The following CLUAP1 variants were observed in gnomAD, a reference collection of about 807,000 sequenced individuals.
CLUAP1 encodes intraflagellar transport 38, also known as clusterin-associated protein 1.
CLUAP1 carries 50 observed loss-of-function variants against 55.0 expected under a neutral mutation model. The observed-to-expected ratio is 0.91, with a 90% confidence interval of 0.72 to 1.15. The LOEUF is 1.15. Among genes scored for constraint, CLUAP1 ranks in the 50% most tolerant of loss-of-function variants. CLUAP1 has a pLI of 0.00. For synonymous variants in CLUAP1, 195 were observed against 175.4 expected (o/e 1.11, Z -0.88); for missense variants, 530 against 507.6 (o/e 1.04, Z -0.42).
At chr16:3,522,818 A>G (rs1271811219) in intron 7 of CLUAP1, among the ~76,000 whole-genome samples, 4 of 142,972 alleles carry the variant, frequency 2.8e-5, no homozygotes, top group Non-Finnish European at 5.9e-5. Context: ...ATTCCTATCT[A>G]TATTTATGCA....
chr16:3,532,693 C>T lies in CLUAP1; in HGVS notation c.1037-93C>T, dbSNP rs1264070223. On this transcript the variant is annotated intron_variant, in intron 10 of 11. Coordinates refer to ENST00000576634, the MANE Select transcript of CLUAP1 (RefSeq NM_015041.3). ...AATTCCTGGGATTATACGCAAAAGC[C>T]AACATGCCTGGCCAGAAAACAAATC... 2.2e-6 allele frequency: 3 copies of T among 1,367,520 alleles called. 1 individual carries two copies. Among genetic ancestry groups the T allele is most frequent in the South Asian group, 2.4e-5 (2 of 82,146 alleles). 84.7% of individuals were successfully genotyped at this position (1,367,520 alleles called of 1,614,324 possible). A position where few individuals can be genotyped will look rare whatever the true frequency, so the allele number is the denominator to read the frequency against.
intron 6 of CLUAP1, among the ~76,000 whole-genome samples, chr16:3,516,007 T>G (rs2037723457): frequency 6.6e-6 from 1 of 152,210 alleles, no homozygotes; most frequent in East Asian, 1.9e-4. Context: ...TCCTCTCATC[T>G]AAAGCAGTCA....
chr16:3,520,020 ACT>A lies in CLUAP1; in HGVS notation c.700_701del (p.Leu234AlafsTer10). On this transcript the variant is annotated frameshift_variant, in exon 7 of 12. Transcript: ENST00000576634. LOFTEE classifies it high-confidence loss of function. ...ELERNRKRLE[T>X]LQSVRPCFMD... ...GGAAAGAAATCGGAAGCGACTAGAG[ACT>A]CTGCAGAGTGTCAGGTAGATATGAA... 2 of 1,611,400 alleles carry A rather than the reference ACT, an allele frequency of 1.2e-6. No individual in the cohort carries two copies. Among genetic ancestry groups the A allele is most frequent in the South Asian group, 2.2e-5 (2 of 90,498 alleles).
At chr16:3,497,186 T>C (rs1433576429), upstream of CLUAP1, among the ~76,000 whole-genome samples, 1 of 151,906 alleles carries the variant, frequency 6.6e-6, no homozygotes, top group African/African-American at 2.4e-5. Context: ...ATCTTGTATG[T>C]AGGAAATATT....
At chr16:3,509,163 G>A (rs949831720) in intron 4 of CLUAP1, among the ~76,000 whole-genome samples, 2 of 152,190 alleles carry the variant, frequency 1.3e-5, no homozygotes, top group South Asian at 4.1e-4. Flanking sequence ...AGGAGGCTGA[G>A]GTGGGAAGAT....
At chr16:3,533,229 C>A in intron 11 of CLUAP1, 2 of 1,190,628 alleles carry the variant, frequency 1.7e-6, no homozygotes, top group South Asian at 2.6e-5. Flanking sequence ...GGGCCTCTCC[C>A]TAGGAGTGAT....
At chr16:3,500,822 C>T (rs2037378336), upstream of CLUAP1, 3 of 560,766 alleles carry the variant, frequency 5.3e-6, no homozygotes, top group East Asian at 3.0e-5. Context: ...AGCTGGGAAG[C>T]TTGCAGCCCT....
At chr16:3,515,207 AAG>A (rs1468091054) in intron 5 of CLUAP1, among the ~76,000 whole-genome samples, 23 of 151,974 alleles carry the variant, frequency 1.5e-4, no homozygotes, top group African/African-American at 5.6e-4. Context: ...AAAAAAAAAA[AAG>A]AAGCAGCAGC....
At chr16:3,496,869 TTTTC>T, upstream of CLUAP1, 7 of 288,256 alleles carry the variant, frequency 2.4e-5, no homozygotes, top group South Asian at 1.3e-4. Flanking sequence ...TCTTTTTTTC[TTTTC>T]TTTTTTTTTT....
chr16:3,500,860 T>C (rs993566389), upstream of CLUAP1: 8 of 589,502 alleles, frequency 1.4e-5, 1 homozygote, highest in African/African-American at 1.5e-4. Context: ...CCACGCCCTC[T>C]GCCCTCGGCG....
At chr16:3,534,548 C>T (rs557835825) in intron 11 of CLUAP1, 7 of 152,514 alleles carry the variant, frequency 4.6e-5, no homozygotes, top group South Asian at 2.1e-4. Flanking sequence ...TGAGAGAAGC[C>T]AGTTAGGAGG....
chr16:3,506,548 G>T (rs1480131383), intron 3 of CLUAP1, 133 bp downstream of exon 3: 5 of 714,740 alleles, frequency 7.0e-6, no homozygotes, highest in African/African-American at 1.8e-5. Flanking sequence ...TCATTCTCTC[G>T]CCCAGGCCGG....
Position 3,530,768 on chromosome 16 carries a change from C to T in CLUAP1, c.1036+93C>T, listed in dbSNP as rs113142193. ...GGGCAGGCTGCTTAGTATTGAGGCC[C>T]ACAAGCGTGCTGCGAATGGCCCCTA... On this transcript the variant is annotated intron_variant, in intron 10 of 11. Coordinates refer to ENST00000576634, the MANE Select transcript of CLUAP1 (RefSeq NM_015041.3). 6,143 of 888,188 alleles carry T rather than the reference C, an allele frequency of 6.9e-3. 148 individuals carry two copies. The highest frequency in any genetic ancestry group is 0.06 in the African/African-American group (3,565 of 59,366). 55.0% of individuals were successfully genotyped at this position (888,188 alleles called of 1,614,324 possible).
intron 6 of CLUAP1, among the ~76,000 whole-genome samples, chr16:3,515,940 A>G (rs1421344997): frequency 3.3e-5 from 5 of 152,200 alleles, no homozygotes; most frequent in Admixed American, 3.3e-4. Context: ...TAAATTCCAG[A>G]CAGCACTGTA....
chr16:3,506,323 C>T lies in CLUAP1; in HGVS notation c.135-8C>T, dbSNP rs868649287. 1.2e-6 allele frequency: 2 copies of T among 1,612,274 alleles called. No homozygotes were observed. The highest frequency in any genetic ancestry group is 2.7e-5 in the African/African-American group (2 of 74,978). On this transcript the variant is annotated splice_region_variant and splice_polypyrimidine_tract_variant and intron_variant, in intron 2 of 11. Coordinates refer to ENST00000576634, the MANE Select transcript of CLUAP1 (RefSeq NM_015041.3). ...ACCCGTGCTCTCTCCTCTTACCTCT[C>T]TTGATAGATATGAGCCCCAGACTGA...
At chr16:3,507,322 G>A (rs2037526863) in intron 3 of CLUAP1, among the ~76,000 whole-genome samples, 1 of 152,100 alleles carries the variant, frequency 6.6e-6, no homozygotes, top group Admixed American at 6.6e-5. Context: ...GCAGGCCAAG[G>A]TGGGAGGATA....
chr16:3,500,915 A>T (rs945245354), upstream of CLUAP1: 1 of 795,766 alleles, frequency 1.3e-6, no homozygotes, highest in Middle Eastern at 3.5e-4. Context: ...GTGCGTATGC[A>T]CGTGCCGCCG....
intron 11 of CLUAP1, chr16:3,535,773 C>T (rs2038217732): frequency 4.7e-6 from 1 of 212,274 alleles, no homozygotes; most frequent in Non-Finnish European, 9.5e-6. Context: ...GCCTCCCTTC[C>T]CTCTCTCCAA....
Position 3,536,343 on chromosome 16 carries a change from G to C in CLUAP1, c.*72G>C. 6.5e-7 allele frequency: 1 copy of C among 1,532,226 alleles called. No homozygotes were observed. Among genetic ancestry groups the C allele is most frequent in the South Asian group, 1.2e-5 (1 of 83,486 alleles). The allele number at this position is 1,532,226 out of a possible 1,614,324, so 94.9% of individuals were successfully genotyped here. A position where few individuals can be genotyped will look rare whatever the true frequency, so the allele number is the denominator to read the frequency against. ...GGTAAATGGGAACTTAGAAGGTTAG[G>C]AAGGTAACCCCTGTTTTGTTTACTA... On this transcript the variant is annotated 3_prime_UTR_variant, in exon 12 of 12. Coordinates refer to ENST00000576634, the MANE Select transcript of CLUAP1 (RefSeq NM_015041.3).
Sources: gnomAD v4.1 joint callset for allele counts (sites outside exome capture counted in the v4.1 genomes callset) on GRCh38, gnomAD v4.1.1 for gene constraint, MANE v1.5 for transcripts, NCBI Gene and HGNC (gene_info 2026-07-23, HGNC 2026-07-21) for gene names.